NDST4: variants seen among roughly 807,000 people sequenced by gnomAD.
The protein encoded by NDST4 is N-deacetylase and N-sulfotransferase 4.
In NDST4, 63 loss-of-function variants were observed where a neutral mutation model predicts 100.8. The observed-to-expected ratio is 0.62, with a 90% CI of 0.51 to 0.77. NDST4 has a LOEUF of 0.77. Ranked by LOEUF, NDST4 falls within the 30% of genes least tolerant of loss-of-function variation. NDST4 has a pLI of 0.00. For synonymous variants in NDST4, 377 were observed against 361.8 expected, an observed-to-expected ratio of 1.04 and a Z score of -0.48; for missense variants, 943 against 1,018.4, an observed-to-expected ratio of 0.93 and a Z score of 1.01.
chr4:114,965,261 C>T (rs1288079339), intron 4 of NDST4, among the ~76,000 whole-genome samples: 1 of 152,000 alleles, frequency 6.6e-6, no homozygotes, highest in Non-Finnish European at 1.5e-5. Flanking sequence ...TGAAAGGAAG[C>T]TCTCTCTCAG....
chr4:114,937,463 G>A lies in NDST4; in HGVS notation c.1262C>T (p.Pro421Leu), dbSNP rs771772193. The A allele has an allele frequency of 1.3e-5, 21 of 1,606,066 alleles. No individual in the cohort carries two copies. Among genetic ancestry groups the A allele is most frequent in the Non-Finnish European group, 1.8e-5 (21 of 1,176,014 alleles). ...IPINMGYAVAPHHSGVYPVHI... is the reference protein window; with the variant it reads ...IPINMGYAVALHHSGVYPVHI... ...AACCGGGTAGACCCCTGAGTGATGT[G>A]GGGCCACAGCATAGCCCATGTTGAT... Residue 421 changes from proline to leucine, a missense_variant, in exon 5 of 14, where the codon CCA (proline) becomes CTA (leucine). Transcript: ENST00000264363.
chr4:115,051,391 C>T (rs929560351), intron 2 of NDST4, among the ~76,000 whole-genome samples: 1 of 151,926 alleles, frequency 6.6e-6, no homozygotes, highest in Non-Finnish European at 1.5e-5. Context: ...CATTTACGTT[C>T]TTTTCTTTCC....
chr4:115,010,714 C>G (rs1286827565), intron 2 of NDST4, among the ~76,000 whole-genome samples: 3 of 67,082 alleles, frequency 4.5e-5, no homozygotes, highest in African/African-American at 1.2e-4. Flanking sequence ...ATATATGGCT[C>G]TTTGTGACTT....
chr4:114,999,364 A>G (rs1261297234), intron 2 of NDST4, among the ~76,000 whole-genome samples: 1 of 152,022 alleles, frequency 6.6e-6, no homozygotes, highest in Non-Finnish European at 1.5e-5. Flanking sequence ...CAATTCCATT[A>G]TTTGTAAAAT....
intron 6 of NDST4, among the ~76,000 whole-genome samples, chr4:114,923,885 G>A (rs1725336129): frequency 6.6e-6 from 1 of 151,104 alleles, no homozygotes; most frequent in Non-Finnish European, 1.5e-5. Flanking sequence ...AGATGGAAAA[G>A]ACTCCTCTAA....
At chr4:115,083,215 C>G (rs1231900553) in intron 1 of NDST4, among the ~76,000 whole-genome samples, 2 of 152,124 alleles carry the variant, frequency 1.3e-5, no homozygotes, top group Non-Finnish European at 2.9e-5. Context: ...CTTTGGGAGT[C>G]TGAGGCTGAA....
Position 115,038,038 on chromosome 4 carries a change from A to T in NDST4, c.978+38021T>A, listed in dbSNP as rs548096155. ...GAAAATAGAATTCAGAATATCCTCC[A>T]TGGAGAATACACTGTGCATTTTGTG... is the stretch of plus-strand genomic sequence containing the variant. On this transcript the variant is annotated intron_variant, in intron 2 of 13. Coordinates refer to ENST00000264363, the MANE Select transcript of NDST4 (RefSeq NM_022569.3). Among the ~76,000 whole-genome samples the T allele has an allele frequency of 6.6e-5, 10 of 152,342 alleles. No individual in the cohort carries two copies. In the East Asian group the frequency reaches 1.7e-3, roughly 26 times the overall value.
At chr4:114,964,223 A>T (rs1726330868) in intron 4 of NDST4, among the ~76,000 whole-genome samples, 1 of 152,196 alleles carries the variant, frequency 6.6e-6, no homozygotes, top group Admixed American at 6.5e-5. Context: ...TCTTCAATCC[A>T]ACAGCTTGTG....
chr4:114,932,107 C>T (rs542911212), intron 6 of NDST4, among the ~76,000 whole-genome samples: 3 of 151,986 alleles, frequency 2.0e-5, no homozygotes, highest in African/African-American at 7.2e-5. Context: ...GAAATCCTAA[C>T]AAGCCAAATT....
chr4:114,864,457 C>A (rs986460190), intron 7 of NDST4, among the ~76,000 whole-genome samples: 1 of 152,242 alleles, frequency 6.6e-6, no homozygotes, highest in African/African-American at 2.4e-5. Flanking sequence ...TTAAAATGCC[C>A]TTTCCAAGTT....
At chr4:115,005,116 A>G (rs1352576563) in intron 2 of NDST4, among the ~76,000 whole-genome samples, 2 of 152,230 alleles carry the variant, frequency 1.3e-5, no homozygotes, top group Non-Finnish European at 2.9e-5. Flanking sequence ...TACTGCCTAC[A>G]AAGAAGAATA....
Position 114,950,537 on chromosome 4 carries a change from C to T in NDST4, c.1222-13034G>A, listed in dbSNP as rs534844698. On this transcript the variant is annotated intron_variant, in intron 4 of 13. Coordinates refer to ENST00000264363, the MANE Select transcript of NDST4 (RefSeq NM_022569.3). ...CTTTCTTTATTTGGTAGTTACAACTCTGTAAAAATGTAAAACTTACTGTTA... is the reference window on the plus strand; with the variant it reads ...CTTTCTTTATTTGGTAGTTACAACTTTGTAAAAATGTAAAACTTACTGTTA... Among the ~76,000 whole-genome samples, 15 of 152,134 alleles carry T rather than the reference C, an allele frequency of 9.9e-5. No homozygotes were observed. In the South Asian group the frequency reaches 2.9e-3, roughly 29 times the overall value.
intron 2 of NDST4, among the ~76,000 whole-genome samples, chr4:115,017,989 T>C (rs1333371726): frequency 1.3e-5 from 2 of 151,988 alleles, no homozygotes; most frequent in Admixed American, 1.3e-4. Context: ...ATGTTATGAT[T>C]TATTAATATG....
intron 6 of NDST4, among the ~76,000 whole-genome samples, chr4:114,932,155 T>A (rs1725529370): frequency 6.6e-6 from 1 of 151,960 alleles, no homozygotes; most frequent in African/African-American, 2.4e-5. Flanking sequence ...CACAATCATG[T>A]GGGATTTATT....
rs140201305 is a variant in NDST4 at position 115,049,496 on chromosome 4, A to G, written c.978+26563T>C. On this transcript the variant is annotated intron_variant, in intron 2 of 13. Transcript: ENST00000264363. Reference sequence around the variant, plus strand: ...ACTAGGATAATCATGTAGGGGGACCAAGCATCCCAGACCAAACATCTTTTT... The same window carrying G: ...ACTAGGATAATCATGTAGGGGGACCGAGCATCCCAGACCAAACATCTTTTT... Among the ~76,000 whole-genome samples the G allele has an allele frequency of 9.2e-5, 14 of 152,286 alleles. No individual in the cohort carries two copies. The East Asian group carries it at 2.7e-3, about 29-fold the overall frequency.
chr4:114,856,262 C>T (rs980965816), intron 7 of NDST4, among the ~76,000 whole-genome samples: 1 of 152,030 alleles, frequency 6.6e-6, no homozygotes, highest in Non-Finnish European at 1.5e-5. Context: ...TGGGGTTTTG[C>T]CATGTTGCTC....
At chr4:114,857,402 T>A (rs1429864494) in intron 7 of NDST4, among the ~76,000 whole-genome samples, 1 of 152,158 alleles carries the variant, frequency 6.6e-6, no homozygotes, top group African/African-American at 2.4e-5. Flanking sequence ...GAATGGTATA[T>A]CTGGGATCAG....
chr4:115,074,456 C>T (rs910425545), intron 2 of NDST4, among the ~76,000 whole-genome samples: 3 of 151,552 alleles, frequency 2.0e-5, no homozygotes, highest in Admixed American at 6.6e-5. Context: ...CCTATGATTT[C>T]AAAAATAAAA....
chr4:114,832,719 T>C (rs1723226524), intron 12 of NDST4, among the ~76,000 whole-genome samples: 1 of 152,166 alleles, frequency 6.6e-6, no homozygotes, highest in Non-Finnish European at 1.5e-5. Context: ...GAATGTAGCC[T>C]AAGTTATACT....
Sources: allele counts gnomAD v4.1 joint callset (sites outside exome capture counted in the v4.1 genomes callset), GRCh38; gene constraint gnomAD v4.1.1; transcripts MANE v1.5; gene names NCBI Gene and HGNC (gene_info 2026-07-23, HGNC 2026-07-21).